Variants in MDFIC2 observed in about 807,000 individuals in gnomAD.
The protein encoded by MDFIC2 is MyoD family inhibitor domain containing 2, also known as myoD family inhibitor domain-containing protein 2.
chr3:70,198,659 C>G (rs1451007147), intron 3 of MDFIC2, among the ~76,000 whole-genome samples: 1 of 152,174 alleles, frequency 6.6e-6, no homozygotes, highest in Non-Finnish European at 1.5e-5. Flanking sequence ...AAGAACCACA[C>G]CATGACTGTT....
In MDFIC2 at chr3:70,220,801, A is replaced by G. The variant is rs569952152; in HGVS notation, c.89-14011T>C. 5.9e-5 allele frequency among the ~76,000 whole-genome samples: 9 copies of G among 152,286 alleles called. No individual in the cohort carries two copies. In the South Asian group the frequency reaches 1.9e-3, roughly 32 times the overall value. On this transcript the variant is annotated intron_variant, in intron 2 of 3. Coordinates refer to ENST00000567252, the MANE Select transcript of MDFIC2 (RefSeq NM_001364677.1). The stretch of plus-strand genomic sequence containing the variant: ...ATTTCAGTCTCTCTGAAGCGTTCCT[A>G]GACTTGCACAAAAGAAGGTCATTTC...
At chr3:70,202,345 CAGTT>C (rs989814407) in intron 3 of MDFIC2, among the ~76,000 whole-genome samples, 44 of 152,148 alleles carry the variant, frequency 2.9e-4, no homozygotes, top group African/African-American at 1.0e-3. Context: ...TATCTGACAA[CAGTT>C]AGTACTAGTG....
chr3:70,250,954 A>C (rs1320312016), intron 2 of MDFIC2, among the ~76,000 whole-genome samples: 1 of 152,230 alleles, frequency 6.6e-6, no homozygotes, highest in African/African-American at 2.4e-5. Flanking sequence ...AGAAAGACAA[A>C]CTATTAAGTA....
chr3:70,241,674 T>C (rs767979565), intron 2 of MDFIC2, among the ~76,000 whole-genome samples: 9 of 152,174 alleles, frequency 5.9e-5, no homozygotes, highest in Non-Finnish European at 1.3e-4. Flanking sequence ...TTTAACCAAA[T>C]AGGGCCAGAG....
chr3:70,204,632 T>G (rs546017243), intron 3 of MDFIC2: 1 of 152,006 alleles, frequency 6.6e-6, no homozygotes, highest in African/African-American at 2.4e-5. Context: ...GCTCTTTGAA[T>G]GAAGAGTAGT....
intron 2 of MDFIC2, among the ~76,000 whole-genome samples, chr3:70,288,059 T>A (rs2106689275): frequency 6.6e-6 from 1 of 150,418 alleles, no homozygotes; most frequent in East Asian, 1.9e-4. Flanking sequence ...TCTATTTCCT[T>A]CAGTTCTGCT....
intron 2 of MDFIC2, among the ~76,000 whole-genome samples, chr3:70,280,178 C>G (rs1483102144): frequency 6.6e-6 from 1 of 152,030 alleles, no homozygotes; most frequent in Non-Finnish European, 1.5e-5. Flanking sequence ...AATCTCTGTC[C>G]CCATGGTTGT....
chr3:70,252,790 A>G (rs2106653332), intron 2 of MDFIC2, among the ~76,000 whole-genome samples: 1 of 152,254 alleles, frequency 6.6e-6, no homozygotes, highest in African/African-American at 2.4e-5. Flanking sequence ...AAAGAAAATC[A>G]AAAAGAAGGC....
intron 2 of MDFIC2, among the ~76,000 whole-genome samples, chr3:70,242,671 A>G (rs1701674476): frequency 6.6e-6 from 1 of 152,204 alleles, no homozygotes; most frequent in African/African-American, 2.4e-5. Context: ...GGCATGAAAA[A>G]TGTGTATATC....
At chr3:70,257,768 A>G (rs948835336) in intron 2 of MDFIC2, among the ~76,000 whole-genome samples, 2 of 152,210 alleles carry the variant, frequency 1.3e-5, no homozygotes, top group African/African-American at 4.8e-5. Flanking sequence ...TGCAATCCCA[A>G]TAAAAATCCC....
At chr3:70,278,142 A>G (rs1037778143) in intron 2 of MDFIC2, among the ~76,000 whole-genome samples, 1 of 152,064 alleles carries the variant, frequency 6.6e-6, no homozygotes, top group Non-Finnish European at 1.5e-5. Context: ...TTCTTCTATT[A>G]CAATTATTTT....
intron 2 of MDFIC2, among the ~76,000 whole-genome samples, chr3:70,233,095 A>G (rs1701576266): frequency 6.6e-6 from 1 of 152,214 alleles, no homozygotes; most frequent in Non-Finnish European, 1.5e-5. Flanking sequence ...AGGCTGAGGC[A>G]CAAGAATCGC....
intron 2 of MDFIC2, among the ~76,000 whole-genome samples, chr3:70,293,631 A>G (rs1702261285): frequency 6.6e-6 from 1 of 152,088 alleles, no homozygotes; most frequent in Non-Finnish European, 1.5e-5. Flanking sequence ...TTTGCCACCA[A>G]ATAAGACATT....
intron 2 of MDFIC2, among the ~76,000 whole-genome samples, chr3:70,207,585 C>T (rs964320909): frequency 6.6e-6 from 1 of 151,916 alleles, no homozygotes; most frequent in African/African-American, 2.4e-5. Context: ...TTTCACATCC[C>T]CAATACAACA....
intron 2 of MDFIC2, among the ~76,000 whole-genome samples, chr3:70,295,314 C>G (rs1702278799): frequency 6.6e-6 from 1 of 152,124 alleles, no homozygotes. Context: ...AAGCAATTGA[C>G]CAAGATTAAC....
At chr3:70,225,531 G>A (rs1012026078) in intron 2 of MDFIC2, among the ~76,000 whole-genome samples, 5 of 152,070 alleles carry the variant, frequency 3.3e-5, no homozygotes, top group Non-Finnish European at 5.9e-5. Context: ...AGAAAGCAAC[G>A]GTGTGTCAAG....
At chr3:70,203,321 C>T (rs533679799) in intron 3 of MDFIC2, among the ~76,000 whole-genome samples, 1 of 152,162 alleles carries the variant, frequency 6.6e-6, no homozygotes, top group African/African-American at 2.4e-5. Context: ...GTGTAAAAAT[C>T]GGTTCCCACT....
chr3:70,227,149 G>A (rs935551794), intron 2 of MDFIC2, among the ~76,000 whole-genome samples: 3 of 152,120 alleles, frequency 2.0e-5, no homozygotes, highest in African/African-American at 7.2e-5. Flanking sequence ...GGTTAAAGCA[G>A]GACTACAACA....
chr3:70,289,052 C>T (rs1448126081), intron 2 of MDFIC2, among the ~76,000 whole-genome samples: 1 of 151,916 alleles, frequency 6.6e-6, no homozygotes. Context: ...GCATTTAGCC[C>T]ATTTACATTT....
Sources: gnomAD v4.1 joint callset for allele counts (sites outside exome capture counted in the v4.1 genomes callset) on GRCh38, gnomAD v4.1.1 for gene constraint, MANE v1.5 for transcripts, NCBI Gene and HGNC (gene_info 2026-07-23, HGNC 2026-07-21) for gene names.